C1orf87: variants seen among roughly 807,000 people sequenced by gnomAD.
C1orf87 encodes uncharacterized protein C1orf87.
C1orf87 carries 58 observed loss-of-function variants against 60.5 expected under a neutral mutation model. That is an observed-to-expected ratio of 0.96 (90% CI 0.78 to 1.19). The LOEUF is 1.19. Ranked by LOEUF, C1orf87 falls within the 50% of genes most tolerant of loss-of-function variation. C1orf87 has a pLI of 0.00. For synonymous variants in C1orf87, 236 were observed against 227.4 expected, an observed-to-expected ratio of 1.04 and a Z score of -0.34; for missense variants, 673 against 638.6, an observed-to-expected ratio of 1.05 and a Z score of -0.58.
intron 2 of C1orf87, among the ~76,000 whole-genome samples, chr1:60,067,114 T>C (rs1244629813): frequency 3.3e-5 from 5 of 152,210 alleles, no homozygotes; most frequent in Non-Finnish European, 4.4e-5. Context: ...GTCTTGCTAT[T>C]GTGAACAGTG....
chr1:60,005,247 T>G (rs1421153515), intron 9 of C1orf87, among the ~76,000 whole-genome samples: 1 of 152,102 alleles, frequency 6.6e-6, no homozygotes, highest in Admixed American at 6.6e-5. Context: ...ATGTTTTAGT[T>G]TCCTTTTTAA....
chr1:60,067,560 G>GTTT (rs34417479), intron 2 of C1orf87, among the ~76,000 whole-genome samples: 17 of 58,930 alleles, frequency 2.9e-4, no homozygotes, highest in African/African-American at 8.5e-4. Flanking sequence ...TTTTGATGGG[G>GTTT]TTTTTTTTTT....
chr1:60,062,312 A>C lies in C1orf87; in HGVS notation c.108-6874T>G, dbSNP rs1645502742. On this transcript the variant is annotated intron_variant, in intron 2 of 11. Coordinates refer to ENST00000371201, the MANE Select transcript of C1orf87 (RefSeq NM_152377.3). ...TAATCTGTTTCCTATTGGGACCCAG[A>C]CACAACACACATTTTTGTGTAAATC... Among the ~76,000 whole-genome samples, 3 of 152,182 alleles carry C rather than the reference A, an allele frequency of 2.0e-5. No homozygotes were observed. The South Asian group carries it at 6.2e-4, about 32-fold the overall frequency.
At chr1:60,024,975 C>T (rs528273661) in intron 8 of C1orf87, among the ~76,000 whole-genome samples, 3 of 152,232 alleles carry the variant, frequency 2.0e-5, no homozygotes, top group South Asian at 2.1e-4. Flanking sequence ...GTGATGAAAT[C>T]GATTGCTTCA....
intron 9 of C1orf87, among the ~76,000 whole-genome samples, chr1:60,004,922 T>C (rs1238048869): frequency 7.5e-6 from 1 of 134,072 alleles, no homozygotes; most frequent in African/African-American, 2.5e-5. Context: ...TAGACCCACC[T>C]GGGCAGCTTT....
chr1:60,000,721 A>G (rs917785248), intron 10 of C1orf87, among the ~76,000 whole-genome samples: 1 of 152,060 alleles, frequency 6.6e-6, no homozygotes, highest in African/African-American at 2.4e-5. Flanking sequence ...TTAAGATGTT[A>G]AAATAGATCT....
chr1:60,009,221 G>T lies in C1orf87; in HGVS notation c.1192+1171C>A, dbSNP rs1021042925. ...AAGAAGAGGAACACTTGGATACTGA[G>T]ATATATAGAAGACAGAAAGAAGAAG... On this transcript the variant is annotated intron_variant, in intron 9 of 11. Transcript: ENST00000371201. Among the ~76,000 whole-genome samples the T allele has an allele frequency of 2.6e-5, 4 of 152,054 alleles. No homozygotes were observed. The East Asian group carries it at 7.7e-4, about 29-fold the overall frequency.
chr1:60,044,662 T>A (rs978563201), intron 3 of C1orf87, among the ~76,000 whole-genome samples: 1 of 152,156 alleles, frequency 6.6e-6, no homozygotes, highest in African/African-American at 2.4e-5. Flanking sequence ...TCTCCCTTGC[T>A]GATTTAAGTC....
Position 60,001,167 on chromosome 1 carries a change from A to AT in C1orf87, c.1193-12dup, listed in dbSNP as rs758592373. 5.2e-6 allele frequency: 8 copies of AT among 1,535,528 alleles called. No homozygotes were observed. In the South Asian group the frequency reaches 9.8e-5, roughly 19 times the overall value. On this transcript the variant is annotated splice_polypyrimidine_tract_variant and intron_variant, in intron 9 of 11. Transcript: ENST00000371201. Reference sequence around the variant, plus strand: ...TCTTTTCATTCTTCCCTGAACAAGAATAAAAAAAAAAAAAGGAAGGGTTTA... The same window carrying AT: ...TCTTTTCATTCTTCCCTGAACAAGAATTAAAAAAAAAAAAAGGAAGGGTTTA...
At chr1:59,996,625 G>C (rs1159538555) in intron 11 of C1orf87, among the ~76,000 whole-genome samples, 1 of 152,014 alleles carries the variant, frequency 6.6e-6, no homozygotes, top group Non-Finnish European at 1.5e-5. Flanking sequence ...TTCACACACA[G>C]CATTTGCACC....
chr1:60,072,687 GTA>G lies in C1orf87; in HGVS notation c.-27-19_-27-18del. 2 of 1,376,018 alleles carry G rather than the reference GTA, an allele frequency of 1.5e-6. No individual in the cohort carries two copies. The highest frequency in any genetic ancestry group is 2.0e-6 in the Non-Finnish European group (2 of 987,652). 85.2% of individuals were successfully genotyped at this position (1,376,018 alleles called of 1,614,324 possible). On this transcript the variant is annotated intron_variant, in intron 1 of 11. Coordinates refer to ENST00000371201, the MANE Select transcript of C1orf87 (RefSeq NM_152377.3). ...TTCAGATCCCTAGGGGTGAAAATAAGTAAATTGTTCCTCTTGATTTTCCATTA... is the reference window on the plus strand; with the variant it reads ...TTCAGATCCCTAGGGGTGAAAATAAGAATTGTTCCTCTTGATTTTCCATTA...
At chr1:60,031,836 G>A (rs112055263) in intron 7 of C1orf87, among the ~76,000 whole-genome samples, 60 of 152,274 alleles carry the variant, frequency 3.9e-4, no homozygotes, top group Middle Eastern at 6.8e-3. Flanking sequence ...AATCTAAGAA[G>A]AAATTGCTGC....
intron 8 of C1orf87, among the ~76,000 whole-genome samples, chr1:60,015,765 T>C (rs559288033): frequency 5.3e-5 from 8 of 152,260 alleles, no homozygotes; most frequent in Admixed American, 2.0e-4. Flanking sequence ...ATTTTCACTT[T>C]TTGGCAGACA....
Position 60,050,246 on chromosome 1 carries a change from G to A in C1orf87, c.342+4958C>T, listed in dbSNP as rs183702181. 1.2e-3 allele frequency among the ~76,000 whole-genome samples: 185 copies of A among 152,042 alleles called. 1 individual carries two copies. Among genetic ancestry groups the A allele is most frequent in the Non-Finnish European group, 1.4e-3 (96 of 67,888 alleles). ...CGTTTTGATGATGTTAACATTTTATGTACAAGAAAACAGCATGCCTTTCCA... is the reference window on the plus strand; with the variant it reads ...CGTTTTGATGATGTTAACATTTTATATACAAGAAAACAGCATGCCTTTCCA... On this transcript the variant is annotated intron_variant, in intron 3 of 11. Coordinates refer to ENST00000371201, the MANE Select transcript of C1orf87 (RefSeq NM_152377.3).
intron 4 of C1orf87, among the ~76,000 whole-genome samples, chr1:60,040,727 C>A (rs1032145711): frequency 1.3e-5 from 2 of 151,392 alleles, no homozygotes; most frequent in African/African-American, 4.9e-5. Flanking sequence ...AGTCTGGTGT[C>A]CATTTGTCTA....
At chr1:60,068,873 A>G (rs542434261) in intron 2 of C1orf87, among the ~76,000 whole-genome samples, 40 of 152,200 alleles carry the variant, frequency 2.6e-4, no homozygotes, top group Non-Finnish European at 4.0e-4. Context: ...GTGGCATGTT[A>G]CTCATCAGGA....
intron 7 of C1orf87, among the ~76,000 whole-genome samples, chr1:60,030,491 A>G (rs373983177): frequency 5.9e-5 from 9 of 152,348 alleles, no homozygotes; most frequent in South Asian, 4.1e-4. Flanking sequence ...CTCCCTCCCA[A>G]TGATGAGGAA....
chr1:60,070,822 G>A (rs943125782), intron 2 of C1orf87, among the ~76,000 whole-genome samples: 7 of 152,082 alleles, frequency 4.6e-5, no homozygotes, highest in Non-Finnish European at 1.0e-4. Context: ...CTTCCTATAA[G>A]ATAAAGCTAA....
At chr1:60,030,932 A>C (rs918541342) in intron 7 of C1orf87, among the ~76,000 whole-genome samples, 2 of 152,224 alleles carry the variant, frequency 1.3e-5, no homozygotes, top group Non-Finnish European at 2.9e-5. Flanking sequence ...GACCCATAGA[A>C]TATCCTTTAA....
Sources: gnomAD v4.1 joint callset for allele counts (sites outside exome capture counted in the v4.1 genomes callset) on GRCh38, gnomAD v4.1.1 for gene constraint, MANE v1.5 for transcripts, NCBI Gene and HGNC (gene_info 2026-07-23, HGNC 2026-07-21) for gene names.